The following FBXO21 variants were observed in gnomAD, a reference collection of about 807,000 sequenced individuals.
FBXO21 encodes F-box only protein 21.
Under a neutral mutation model 76.6 loss-of-function variants are expected in FBXO21, and 32 were observed. The ratio of observed to expected loss-of-function variants is 0.42; its 90% CI spans 0.32 to 0.56. The LOEUF is 0.56. Among genes scored for constraint, FBXO21 ranks in the 20% least tolerant of loss-of-function variants. The probability of loss-of-function intolerance (pLI) is 0.16; values close to 1 mark genes in which losing one functional copy is unlikely to be tolerated. For synonymous variants in FBXO21, 328 were observed against 311.5 expected (o/e 1.05, Z -0.56); for missense variants, 586 against 797.3 (o/e 0.73, Z 3.19).
intron 2 of FBXO21, 138 bp downstream of exon 2, chr12:117,189,089 T>C: frequency 1.1e-6 from 1 of 926,500 alleles, no homozygotes; most frequent in Non-Finnish European, 1.7e-6. Flanking sequence ...CAATGACTCT[T>C]GCAGCCATCT....
intron 9 of FBXO21, among the ~76,000 whole-genome samples, chr12:117,160,819 A>G (rs1193716275): frequency 6.6e-6 from 1 of 152,162 alleles, no homozygotes; most frequent in Non-Finnish European, 1.5e-5. Context: ...ATTTTGGTAG[A>G]GACCGGGTTT....
At chr12:117,157,811 A>G in intron 10 of FBXO21, 62 bp downstream of exon 10, 1 of 1,440,246 alleles carries the variant, frequency 6.9e-7, no homozygotes, top group African/African-American at 1.4e-5. Context: ...CACCAGGTGC[A>G]TGTGTGTCTC....
At chr12:117,184,643 C>T (rs1956265504) in intron 3 of FBXO21, among the ~76,000 whole-genome samples, 1 of 152,172 alleles carries the variant, frequency 6.6e-6, no homozygotes, top group Non-Finnish European at 1.5e-5. Context: ...ATCCCAGCTA[C>T]TCAGGAGGCT....
At chr12:117,168,645 T>G (rs1224030871) in intron 7 of FBXO21, among the ~76,000 whole-genome samples, 1 of 152,212 alleles carries the variant, frequency 6.6e-6, no homozygotes, top group Non-Finnish European at 1.5e-5. Context: ...TAGAACTTCC[T>G]AAGGACAAAT....
Position 117,174,663 on chromosome 12 carries a change from C to A in FBXO21, c.727G>T (p.Ala243Ser), listed in dbSNP as rs751147933. Residue 243 changes from alanine to serine, a missense_variant, in exon 5 of 12, where the codon GCC becomes TCC. Around this residue, in one of 6 missense-constraint regions of FBXO21, gnomAD observed 246 missense variants for 356.8 expected, o/e 0.69. Coordinates refer to ENST00000622495, the MANE Select transcript of FBXO21 (RefSeq NM_015002.3). ...RGINSRHPSL[A>S]FKAGESSMIM... Reference sequence around the variant, plus strand: ...AGCAATGCCACACCTGCCTTGAAGGCCAAGCTGGGGTGGCGACTGTTTATG... The same window carrying A: ...AGCAATGCCACACCTGCCTTGAAGGACAAGCTGGGGTGGCGACTGTTTATG... The A allele has an allele frequency of 6.2e-7, 1 of 1,614,056 alleles. No homozygotes were observed. Among genetic ancestry groups the A allele is most frequent in the Admixed American group, 1.7e-5 (1 of 59,990 alleles).
chr12:117,180,491 C>T (rs1160340004), intron 3 of FBXO21, among the ~76,000 whole-genome samples: 1 of 152,140 alleles, frequency 6.6e-6, no homozygotes, highest in Non-Finnish European at 1.5e-5. Context: ...CTTCTTTATT[C>T]CAGGAGAATT....
At chr12:117,171,303 A>C (rs1956115834) in intron 7 of FBXO21, among the ~76,000 whole-genome samples, 1 of 149,014 alleles carries the variant, frequency 6.7e-6, no homozygotes, top group South Asian at 2.1e-4. Context: ...GGATGCAGTA[A>C]GCCAAGATTG....
chr12:117,174,673 G>A lies in FBXO21; in HGVS notation c.717C>T (p.His239=). 6.2e-7 allele frequency: 1 copy of A among 1,614,198 alleles called. No homozygotes were observed. The highest frequency in any genetic ancestry group is 1.1e-5 in the South Asian group (1 of 91,084). The change falls in exon 5 of 12, where the codon CAC becomes CAT. Residue 239 remains histidine (H), a synonymous_variant. Transcript: ENST00000622495. The part of the protein sequence containing the change: ...CKTLRGINSR[H]PSLAFKAGES... ...CACCTGCCTTGAAGGCCAAGCTGGGGTGGCGACTGTTTATGCCCCGAAGGG... is the reference window on the plus strand; with the variant it reads ...CACCTGCCTTGAAGGCCAAGCTGGGATGGCGACTGTTTATGCCCCGAAGGG...
At chr12:117,178,224 T>A (rs1235491565) in intron 3 of FBXO21, among the ~76,000 whole-genome samples, 2 of 152,164 alleles carry the variant, frequency 1.3e-5, no homozygotes, top group Admixed American at 6.6e-5. Flanking sequence ...CTGCGAGTCA[T>A]CCTGGATGCC....
intron 9 of FBXO21, among the ~76,000 whole-genome samples, chr12:117,159,280 T>C (rs1955950898): frequency 6.6e-6 from 1 of 151,816 alleles, no homozygotes; most frequent in South Asian, 2.1e-4. Context: ...GTCAGTAATT[T>C]CTTGATCTTC....
intron 6 of FBXO21, among the ~76,000 whole-genome samples, chr12:117,173,941 T>G (rs1000172052): frequency 3.9e-5 from 6 of 152,068 alleles, no homozygotes; most frequent in Non-Finnish European, 7.4e-5. Flanking sequence ...GCCAGGAGTT[T>G]GAGACCAGGC....
intron 11 of FBXO21, among the ~76,000 whole-genome samples, chr12:117,151,888 G>A (rs1458682775): frequency 6.6e-6 from 1 of 152,144 alleles, no homozygotes; most frequent in East Asian, 1.9e-4. Context: ...CTAAAACCAT[G>A]ATGTTCAAGG....
rs572963096 is a variant in FBXO21 at position 117,147,098 on chromosome 12, C to T, written c.1676-821G>A. On this transcript the variant is annotated intron_variant, in intron 11 of 11. Transcript: ENST00000622495. ...CTCTACTAAAAATACAAAAACTAGC[C>T]AGGCATGGTGGTGCACTCCTGTAGT... Among the ~76,000 whole-genome samples, 5 of 151,542 alleles carry T rather than the reference C, an allele frequency of 3.3e-5. No individual in the cohort carries two copies. In the East Asian group the frequency reaches 5.9e-4, roughly 18 times the overall value.
chr12:117,175,861 G>A (rs771383013), intron 4 of FBXO21, among the ~76,000 whole-genome samples: 11 of 152,192 alleles, frequency 7.2e-5, no homozygotes, highest in Non-Finnish European at 1.3e-4. Flanking sequence ...TGATGTGGAA[G>A]TTCTTTGAAA....
chr12:117,147,102 C>T (rs1955779557), intron 11 of FBXO21, among the ~76,000 whole-genome samples: 1 of 151,486 alleles, frequency 6.6e-6, no homozygotes, highest in Non-Finnish European at 1.5e-5. Flanking sequence ...ACTAGCCAGG[C>T]ATGGTGGTGC....
intron 6 of FBXO21, 64 bp from the exon 7 acceptor site, chr12:117,172,671 A>T: frequency 6.5e-7 from 1 of 1,539,192 alleles, no homozygotes; most frequent in Non-Finnish European, 8.9e-7. Context: ...CTTTCAATAA[A>T]CATTCTCATT....
chr12:117,152,332 G>T (rs1295606172), intron 11 of FBXO21, among the ~76,000 whole-genome samples: 2 of 152,030 alleles, frequency 1.3e-5, no homozygotes, highest in Non-Finnish European at 2.9e-5. Context: ...CAGGTGTGGT[G>T]GTGCATGCCT....
rs146418748 is a variant in FBXO21 at position 117,184,469 on chromosome 12, G to A, written c.470+2008C>T. ...GGTTGTCCATCTATAGGAAAATTAT[G>A]TAGGCTAGGCACGGTGGCTCACGCC... On this transcript the variant is annotated intron_variant, in intron 3 of 11. Transcript: ENST00000622495. 1.8e-4 allele frequency among the ~76,000 whole-genome samples: 27 copies of A among 152,242 alleles called. 1 individual carries two copies. In the East Asian group the frequency reaches 4.8e-3, roughly 27 times the overall value.
Position 117,189,374 on chromosome 12 carries a change from G to GA in FBXO21, c.240-13dup, listed in dbSNP as rs762646345. 7.4e-6 allele frequency: 12 copies of GA among 1,613,960 alleles called. No individual in the cohort carries two copies. The highest frequency in any genetic ancestry group is 1.0e-5 in the Non-Finnish European group (12 of 1,180,000). On this transcript the variant is annotated splice_polypyrimidine_tract_variant and intron_variant, in intron 1 of 11. Coordinates refer to ENST00000622495, the MANE Select transcript of FBXO21 (RefSeq NM_015002.3). ...TAAGGGAAGGCCACCTACGAGGAGA[G>GA]AAACACCCCCTCAGCTTAACAGAAA...
Sources: allele counts gnomAD v4.1 joint callset (sites outside exome capture counted in the v4.1 genomes callset), GRCh38; gene constraint gnomAD v4.1.1; regional missense constraint gnomAD v4.1.1; transcripts MANE v1.5; gene names NCBI Gene and HGNC (gene_info 2026-07-23, HGNC 2026-07-21).